Variants in KCNQ5 observed in about 807,000 individuals in gnomAD.
KCNQ5 encodes potassium voltage-gated channel subfamily Q member 5.
KCNQ5 carries 30 observed loss-of-function variants against 98.2 expected under a neutral mutation model. The ratio of observed to expected loss-of-function variants is 0.31; its 90% CI spans 0.23 to 0.41. The LOEUF is 0.41. Among genes scored for constraint, KCNQ5 ranks in the 10% least tolerant of loss-of-function variants. The probability of loss-of-function intolerance (pLI) is 1.00; values close to 1 mark genes in which losing one functional copy is unlikely to be tolerated. For missense variants in KCNQ5, 835 were observed against 1,182.5 expected (o/e 0.71, Z 4.31); for synonymous variants, 458 against 449.4 (o/e 1.02, Z -0.24).
intron 1 of KCNQ5, chr6:72,678,269 C>G (rs1247863491): frequency 4.6e-5 from 7 of 152,126 alleles, no homozygotes; most frequent in Non-Finnish European, 1.0e-4. Context: ...TTTCAGCTCA[C>G]CATGTGCCAA....
chr6:73,058,986 G>A (rs531841282), intron 3 of KCNQ5, among the ~76,000 whole-genome samples: 5 of 152,234 alleles, frequency 3.3e-5, no homozygotes, highest in South Asian at 2.1e-4. Flanking sequence ...TAGTTCAGCC[G>A]GTGTGGAAAG....
intron 3 of KCNQ5, 55 bp from the exon 4 acceptor site, chr6:73,077,267 T>G: frequency 6.6e-7 from 1 of 1,513,336 alleles, no homozygotes; most frequent in Non-Finnish European, 9.1e-7. Context: ...ATTGTTTTGG[T>G]AAATAAAAAT....
chr6:73,013,700 G>C (rs1223350556), intron 2 of KCNQ5, among the ~76,000 whole-genome samples: 2 of 152,052 alleles, frequency 1.3e-5, no homozygotes, highest in Admixed American at 1.3e-4. Flanking sequence ...AAAAGACTGG[G>C]CTGTCTTCAG....
At chr6:72,926,108 G>A (rs966650604) in intron 1 of KCNQ5, among the ~76,000 whole-genome samples, 3 of 152,098 alleles carry the variant, frequency 2.0e-5, no homozygotes, top group African/African-American at 7.2e-5. Flanking sequence ...GTCAAGAGGT[G>A]GGGGATTGAG....
At chr6:73,094,042 A>G (rs1352418390) in intron 5 of KCNQ5, among the ~76,000 whole-genome samples, 1 of 152,088 alleles carries the variant, frequency 6.6e-6, no homozygotes. Flanking sequence ...CACCTGTCTC[A>G]TTTCTAAGGT....
At chr6:72,999,578 G>A (rs999702338) in intron 1 of KCNQ5, among the ~76,000 whole-genome samples, 3 of 152,102 alleles carry the variant, frequency 2.0e-5, no homozygotes, top group Non-Finnish European at 2.9e-5. Context: ...TTCCAGCCCC[G>A]TCTTACCAAT....
In KCNQ5 at chr6:73,116,417, G is replaced by A. The variant is rs557739551; in HGVS notation, c.1126-4066G>A. Reference sequence around the variant, plus strand: ...CAAGTGGCTCATGCCTGCAACCCCCGCACTTTGAGAGGCTAAGGTGGGAGG... The same window carrying A: ...CAAGTGGCTCATGCCTGCAACCCCCACACTTTGAGAGGCTAAGGTGGGAGG... On this transcript the variant is annotated intron_variant, in intron 7 of 13. Transcript: ENST00000370398. Among the ~76,000 whole-genome samples, 9 of 152,254 alleles carry A rather than the reference G, an allele frequency of 5.9e-5. No homozygotes were observed. In the East Asian group the frequency reaches 1.2e-3, roughly 20 times the overall value.
rs555764476 is a variant in KCNQ5, at chr6:72,750,844, G to A, written c.398+128257G>A. ...AAATAAATTTTTATACCAGATGATA[G>A]TGACCTTAAAAAGGATTTTTATTGC... On this transcript the variant is annotated intron_variant, in intron 1 of 13. Transcript: ENST00000370398. Among the ~76,000 whole-genome samples, 310 of 152,128 alleles carry A rather than the reference G, an allele frequency of 2.0e-3. 1 individual carries two copies. Among genetic ancestry groups the A allele is most frequent in the Middle Eastern group, 3.4e-3 (1 of 294 alleles).
chr6:73,060,110 G>A (rs559867909), intron 3 of KCNQ5, among the ~76,000 whole-genome samples: 346 of 152,014 alleles, frequency 2.3e-3, no homozygotes, highest in African/African-American at 7.7e-3. Context: ...GTTCTAATGT[G>A]ATCTAAAAAG....
intron 1 of KCNQ5, among the ~76,000 whole-genome samples, chr6:72,909,197 G>T (rs538467654): frequency 6.6e-6 from 1 of 152,064 alleles, no homozygotes; most frequent in Non-Finnish European, 1.5e-5. Context: ...AAAAGTTATA[G>T]GTAATAAGAT....
intron 1 of KCNQ5, among the ~76,000 whole-genome samples, chr6:72,794,465 T>C (rs1360682386): frequency 6.6e-6 from 1 of 152,202 alleles, no homozygotes; most frequent in Non-Finnish European, 1.5e-5. Context: ...AATACTTCTT[T>C]GTTGGCTAAT....
At chr6:72,947,509 T>G (rs1766601858) in intron 1 of KCNQ5, among the ~76,000 whole-genome samples, 1 of 152,208 alleles carries the variant, frequency 6.6e-6, no homozygotes, top group Non-Finnish European at 1.5e-5. Flanking sequence ...GTTTGAAATA[T>G]CTAAAGCTCA....
chr6:72,919,653 A>T (rs1221756408), intron 1 of KCNQ5, among the ~76,000 whole-genome samples: 1 of 151,228 alleles, frequency 6.6e-6, no homozygotes, highest in Non-Finnish European at 1.5e-5. Flanking sequence ...TCCCTTTCTG[A>T]AAAAAAAATT....
intron 2 of KCNQ5, among the ~76,000 whole-genome samples, chr6:73,022,808 G>A (rs964714680): frequency 6.6e-6 from 1 of 152,172 alleles, no homozygotes; most frequent in African/African-American, 2.4e-5. Flanking sequence ...AGACATTTGA[G>A]GTGGTTCTAG....
chr6:72,636,281 A>C (rs1301112089), intron 1 of KCNQ5, among the ~76,000 whole-genome samples: 1 of 152,124 alleles, frequency 6.6e-6, no homozygotes, highest in Non-Finnish European at 1.5e-5. Flanking sequence ...AATCATTAGG[A>C]GTTTCTTTAC....
chr6:73,178,407 G>C (rs1406226348), intron 11 of KCNQ5, among the ~76,000 whole-genome samples: 1 of 150,332 alleles, frequency 6.7e-6, no homozygotes, highest in Non-Finnish European at 1.5e-5. Flanking sequence ...GGGAAACATA[G>C]CAAGACCCAT....
chr6:72,784,358 C>A (rs146657217), intron 1 of KCNQ5, among the ~76,000 whole-genome samples: 224 of 152,156 alleles, frequency 1.5e-3, no homozygotes, highest in African/African-American at 5.1e-3. Flanking sequence ...CAGAGAGAAC[C>A]AGATAAGTGG....
chr6:73,141,993 T>C (rs1407816070), intron 10 of KCNQ5, among the ~76,000 whole-genome samples: 1 of 152,214 alleles, frequency 6.6e-6, no homozygotes, highest in African/African-American at 2.4e-5. Context: ...TGGCTGGAGA[T>C]GCTGGGAGAG....
chr6:72,768,704 A>C (rs143512465), intron 1 of KCNQ5, among the ~76,000 whole-genome samples: 233 of 152,098 alleles, frequency 1.5e-3, no homozygotes, highest in African/African-American at 5.4e-3. Context: ...ATCACAATCT[A>C]CTTCATGAGA....
Sources: gnomAD v4.1 joint callset for allele counts (sites outside exome capture counted in the v4.1 genomes callset) on GRCh38, gnomAD v4.1.1 for gene constraint, MANE v1.5 for transcripts, NCBI Gene and HGNC (gene_info 2026-07-23, HGNC 2026-07-21) for gene names.